The following ASIC2 variants were observed in gnomAD, a reference collection of about 807,000 sequenced individuals.
The protein encoded by ASIC2 is acid sensing ion channel subunit 2.
In ASIC2, 25 loss-of-function variants were observed where a neutral mutation model predicts 57.3. The observed-to-expected ratio is 0.44, with a 90% CI of 0.32 to 0.61. ASIC2 has a LOEUF of 0.61. Ranked by LOEUF, ASIC2 falls within the 20% of genes least tolerant of loss-of-function variation. The pLI is 0.06. For synonymous variants in ASIC2, 319 were observed against 307.5 expected, an observed-to-expected ratio of 1.04 and a Z score of -0.39; for missense variants, 641 against 738.1, an observed-to-expected ratio of 0.87 and a Z score of 1.52.
intron 1 of ASIC2, among the ~76,000 whole-genome samples, chr17:33,508,465 A>T (rs1364572386): frequency 6.6e-6 from 1 of 152,166 alleles, no homozygotes; most frequent in Non-Finnish European, 1.5e-5. Context: ...GAGAGAGAAG[A>T]CAGAGCCTGC....
At chr17:34,133,376 G>T (rs560888918) in intron 1 of ASIC2, among the ~76,000 whole-genome samples, 1 of 152,296 alleles carries the variant, frequency 6.6e-6, no homozygotes, top group African/African-American at 2.4e-5. Context: ...ACCTAAAAAA[G>T]GTGCTGGGAG....
intron 1 of ASIC2, among the ~76,000 whole-genome samples, chr17:34,103,662 T>G (rs1308011770): frequency 6.6e-6 from 1 of 151,920 alleles, no homozygotes; most frequent in African/African-American, 2.4e-5. Context: ...TGGGCTCACT[T>G]TTTTTTTGCA....
At chr17:33,070,934 C>T (rs1047712545) in intron 3 of ASIC2, among the ~76,000 whole-genome samples, 1 of 151,554 alleles carries the variant, frequency 6.6e-6, no homozygotes, top group Non-Finnish European at 1.5e-5. Flanking sequence ...TATTGCTCCA[C>T]TGTCTTCTCT....
intron 1 of ASIC2, among the ~76,000 whole-genome samples, chr17:34,078,309 A>G (rs1909746792): frequency 1.3e-5 from 2 of 152,202 alleles, no homozygotes; most frequent in Non-Finnish European, 2.9e-5. Context: ...GGCACTTCAC[A>G]GATGCCCCAT....
intron 1 of ASIC2, among the ~76,000 whole-genome samples, chr17:33,248,223 A>G (rs1908759850): frequency 6.6e-6 from 1 of 152,198 alleles, no homozygotes; most frequent in South Asian, 2.1e-4. Flanking sequence ...GGGACCAGCA[A>G]ATGCAAAGGC....
At chr17:33,816,256 C>A (rs535151510) in intron 1 of ASIC2, among the ~76,000 whole-genome samples, 76 of 152,158 alleles carry the variant, frequency 5.0e-4, no homozygotes, top group Admixed American at 1.4e-3. Flanking sequence ...TCCAGGGCAC[C>A]TGCTTCTCAT....
intron 1 of ASIC2, among the ~76,000 whole-genome samples, chr17:33,574,919 T>A (rs1449130591): frequency 2.6e-5 from 4 of 151,050 alleles, no homozygotes; most frequent in Admixed American, 2.6e-4. Flanking sequence ...ATGAGGAAAA[T>A]GAATCTGGTA....
At chr17:33,945,874 C>G (rs1481275249) in intron 1 of ASIC2, among the ~76,000 whole-genome samples, 1 of 152,176 alleles carries the variant, frequency 6.6e-6, no homozygotes. Context: ...AATTCATGCC[C>G]CACTGACCAC....
At chr17:33,464,808 G>A (rs1353960755) in intron 1 of ASIC2, among the ~76,000 whole-genome samples, 1 of 151,362 alleles carries the variant, frequency 6.6e-6, no homozygotes, top group Admixed American at 6.6e-5. Context: ...TGCTCAGACA[G>A]CCCCATAAGC....
At chr17:33,386,245 C>G (rs1909673128) in intron 1 of ASIC2, among the ~76,000 whole-genome samples, 1 of 152,164 alleles carries the variant, frequency 6.6e-6, no homozygotes, top group Non-Finnish European at 1.5e-5. Context: ...CCCTTGACCT[C>G]TAGAGACCCA....
chr17:33,427,471 A>T (rs1278476971), intron 1 of ASIC2, among the ~76,000 whole-genome samples: 1 of 152,234 alleles, frequency 6.6e-6, no homozygotes, highest in Non-Finnish European at 1.5e-5. Flanking sequence ...CTTCGGAATC[A>T]AATGAGAGAA....
chr17:33,229,308 T>C (rs1320935681), intron 1 of ASIC2, among the ~76,000 whole-genome samples: 1 of 152,166 alleles, frequency 6.6e-6, no homozygotes, highest in African/African-American at 2.4e-5. Flanking sequence ...CGTTCAATCA[T>C]TCATTTGTGT....
chr17:33,746,897 G>A (rs1248837932), intron 1 of ASIC2, among the ~76,000 whole-genome samples: 1 of 151,996 alleles, frequency 6.6e-6, no homozygotes, highest in Non-Finnish European at 1.5e-5. Context: ...AAGAAATTTG[G>A]CAATTTCACA....
chr17:33,157,670 C>T (rs749357045), intron 1 of ASIC2, among the ~76,000 whole-genome samples: 2 of 152,188 alleles, frequency 1.3e-5, no homozygotes, highest in Non-Finnish European at 2.9e-5. Flanking sequence ...TTGCCACCTC[C>T]CTGCTCCCAC....
At chr17:33,306,183 C>T (rs9303662) in intron 1 of ASIC2, among the ~76,000 whole-genome samples, 30,058 of 152,044 alleles carry the variant, frequency 0.2, 3,129 homozygotes, top group East Asian at 0.37. Flanking sequence ...ACAGTTCTAA[C>T]GTTCATGCCT....
rs530577341 is a variant in ASIC2, at chr17:33,157,109, G to A, written c.709-45042C>T. Among the ~76,000 whole-genome samples, 3 of 152,150 alleles carry A rather than the reference G, an allele frequency of 2.0e-5. No homozygotes were observed. The South Asian group carries it at 6.2e-4, about 32-fold the overall frequency. On this transcript the variant is annotated intron_variant, in intron 1 of 9. Transcript: ENST00000225823. ...CAACTAACTCATGAGATGGCACGTGGTCAAGGCAAAAAAACCCCCAGCACT... is the reference window on the plus strand; with the variant it reads ...CAACTAACTCATGAGATGGCACGTGATCAAGGCAAAAAAACCCCCAGCACT...
chr17:34,036,731 A>T (rs1367533515), intron 1 of ASIC2: 1 of 149,324 alleles, frequency 6.7e-6, no homozygotes, highest in East Asian at 2.0e-4. Flanking sequence ...CTTTATTTAA[A>T]AAAATAGCAC....
chr17:33,244,111 T>C (rs1188271227), intron 1 of ASIC2, among the ~76,000 whole-genome samples: 2 of 152,210 alleles, frequency 1.3e-5, no homozygotes, highest in East Asian at 3.8e-4. Context: ...AGGTTTTCTA[T>C]TCTTTCATTC....
Position 33,591,778 on chromosome 17 carries a change from A to G in ASIC2, c.556-479711T>C, listed in dbSNP as rs1032409441. On this transcript the variant is annotated intron_variant, in intron 1 of 9. Transcript: ENST00000359872. ...GTACATATTGATATTCCTGGGATCA[A>G]GCTGAGAATGACTGTAGCTTTGCTG... Among the ~76,000 whole-genome samples, 4 of 152,180 alleles carry G rather than the reference A, an allele frequency of 2.6e-5. No individual in the cohort carries two copies. The South Asian group carries it at 8.3e-4, about 32-fold the overall frequency.
Sources: allele counts gnomAD v4.1 joint callset (sites outside exome capture counted in the v4.1 genomes callset), GRCh38; gene constraint gnomAD v4.1.1; transcripts MANE v1.5; gene names NCBI Gene and HGNC (gene_info 2026-07-23, HGNC 2026-07-21).